The following TAF1A variants were observed in gnomAD, a reference collection of about 807,000 sequenced individuals.
TAF1A encodes TATA-box binding protein associated factor, RNA polymerase I subunit A.
Under a neutral mutation model 61.6 loss-of-function variants are expected in TAF1A, and 42 were observed. The observed-to-expected ratio is 0.68, with a 90% CI of 0.53 to 0.88. TAF1A has a LOEUF of 0.88. Among genes scored for constraint, TAF1A ranks in the 40% least tolerant of loss-of-function variants. TAF1A has a pLI of 0.00. For synonymous variants in TAF1A, 179 were observed against 177.7 expected (o/e 1.01, Z -0.06); for missense variants, 424 against 518.7 (o/e 0.82, Z 1.77).
downstream of TAF1A, among the ~76,000 whole-genome samples, chr1:222,556,197 A>G (rs1659722864): frequency 6.6e-6 from 1 of 152,238 alleles, no homozygotes; most frequent in African/African-American, 2.4e-5. Flanking sequence ...TGACTCAGGC[A>G]AGCGATGTGG....
At chr1:222,589,423 C>T (rs1661162003) in intron 1 of TAF1A, among the ~76,000 whole-genome samples, 2 of 152,172 alleles carry the variant, frequency 1.3e-5, no homozygotes, top group African/African-American at 4.8e-5. Flanking sequence ...CAGAGTAAAC[C>T]TTCTAAATTC....
At chr1:222,564,852 T>C (rs1171692493) in intron 7 of TAF1A, among the ~76,000 whole-genome samples, 3 of 152,224 alleles carry the variant, frequency 2.0e-5, no homozygotes, top group Non-Finnish European at 4.4e-5. Context: ...TTAATTTCTC[T>C]TAATCATTTT....
intron 6 of TAF1A, 142 bp downstream of exon 6, chr1:222,570,392 CA>C: frequency 1.2e-6 from 1 of 840,040 alleles, no homozygotes; most frequent in Non-Finnish European, 1.7e-6. Context: ...AAATTCAGAC[CA>C]AAAAAGAGAC....
chr1:222,562,869 A>G (rs368824387), intron 9 of TAF1A, among the ~76,000 whole-genome samples: 4 of 152,168 alleles, frequency 2.6e-5, no homozygotes, highest in Admixed American at 6.5e-5. Context: ...AAGAGTCTTT[A>G]GCAAAGAGTG....
intron 1 of TAF1A, 33 bp from the exon 2 acceptor site, chr1:222,588,598 T>C (rs762827933): frequency 3.7e-6 from 6 of 1,606,370 alleles, no homozygotes; most frequent in Non-Finnish European, 5.1e-6. Flanking sequence ...TTACTTTCTG[T>C]ACATCTTAAT....
At chr1:222,555,346 A>G (rs1659713420), downstream of TAF1A, among the ~76,000 whole-genome samples, 1 of 152,244 alleles carries the variant, frequency 6.6e-6, no homozygotes, top group Non-Finnish European at 1.5e-5. Context: ...TGATGAATAA[A>G]GATAGGGTTT....
rs577983640 is a variant in TAF1A at position 222,579,486 on chromosome 1, T to C, written c.405+273A>G. On this transcript the variant is annotated intron_variant, in intron 4 of 10. Transcript: ENST00000352967. ...AGCAAACATTTTAGAATCTGGCCCA[T>C]CATCATACCACTGCAATCTCTGAAT... Among the ~76,000 whole-genome samples, 3 of 152,318 alleles carry C rather than the reference T, an allele frequency of 2.0e-5. No homozygotes were observed. The East Asian group carries it at 5.8e-4, about 29-fold the overall frequency.
At chr1:222,577,323 C>A in intron 5 of TAF1A, 122 bp downstream of exon 5, 1 of 715,410 alleles carries the variant, frequency 1.4e-6, no homozygotes, top group South Asian at 2.0e-5. Flanking sequence ...ATTTTAAATC[C>A]ATAAAAAGTC....
chr1:222,585,725 A>T (rs1558155417), intron 2 of TAF1A, among the ~76,000 whole-genome samples: 1 of 152,192 alleles, frequency 6.6e-6, no homozygotes, highest in Non-Finnish European at 1.5e-5. Flanking sequence ...ATAAACAAAA[A>T]AAGTATAAAT....
chr1:222,582,157 A>AT (rs1192735103), intron 3 of TAF1A, among the ~76,000 whole-genome samples: 1 of 152,204 alleles, frequency 6.6e-6, no homozygotes, highest in Non-Finnish European at 1.5e-5. Flanking sequence ...TGGTTTTCAC[A>AT]TTTTTGAATT....
At chr1:222,589,327 A>C (rs1298480662) in intron 1 of TAF1A, among the ~76,000 whole-genome samples, 1 of 152,216 alleles carries the variant, frequency 6.6e-6, no homozygotes, top group African/African-American at 2.4e-5. Flanking sequence ...ACTCTAGTTC[A>C]AGACCCCTTC....
At chr1:222,583,727 A>G (rs912167384) in intron 3 of TAF1A, among the ~76,000 whole-genome samples, 10 of 151,792 alleles carry the variant, frequency 6.6e-5, no homozygotes, top group African/African-American at 2.4e-4. Context: ...AGTCCCAGCT[A>G]CTCAGGAGGC....
At chr1:222,555,749 T>G (rs183872460), downstream of TAF1A, among the ~76,000 whole-genome samples, 1 of 152,160 alleles carries the variant, frequency 6.6e-6, no homozygotes, top group South Asian at 2.1e-4. Context: ...GGTAATTATG[T>G]AGAGGTAATG....
At chr1:222,561,846 C>T (rs1187406762) in intron 9 of TAF1A, among the ~76,000 whole-genome samples, 1 of 152,170 alleles carries the variant, frequency 6.6e-6, no homozygotes, top group Non-Finnish European at 1.5e-5. Context: ...GTTGCTGAAC[C>T]TCTCTGAGCT....
intron 7 of TAF1A, chr1:222,569,133 A>C (rs1660238651): frequency 1.7e-6 from 1 of 578,206 alleles, no homozygotes; most frequent in African/African-American, 2.0e-5. Flanking sequence ...GGGCGACAGA[A>C]ATGTTCTATA....
chr1:222,558,703 T>C lies in TAF1A; in HGVS notation c.1310A>G (p.Lys437Arg), dbSNP rs200425120. The C allele has an allele frequency of 3.1e-5, 49 of 1,579,606 alleles. No homozygotes were observed. Among genetic ancestry groups the C allele is most frequent in the Non-Finnish European group, 3.9e-5 (45 of 1,161,828 alleles). The change falls in exon 11 of 11, where the codon AAG becomes AGG. Residue 437 changes from lysine to arginine, a missense_variant. Physicochemically the swap from Lys to Arg is conservative, Grantham distance 26. Coordinates refer to ENST00000352967, the MANE Select transcript of TAF1A (RefSeq NM_005681.4). The part of the protein sequence containing the change: ...QILGKKIKRM[K>R]RSVKKYSIVN... The stretch of plus-strand genomic sequence containing the variant: ...AATACTGTATTTTTTCACAGATCTC[T>C]TCATCCGCTTAATTTTCTTCCCTAA...
intron 5 of TAF1A, among the ~76,000 whole-genome samples, chr1:222,575,608 C>T (rs1305951289): frequency 1.3e-5 from 2 of 152,186 alleles, no homozygotes; most frequent in African/African-American, 4.8e-5. Context: ...GTGCATCAAT[C>T]CCAACCAAGA....
rs141728719 is a variant in TAF1A, at chr1:222,569,623, T to G, written c.781A>C (p.Thr261Pro). ...AACTTTTCATCATATGCATAATTGG[T>G]GAGTACCTCTTGGGCTCCATCTCGA... ...GDRDGAQEVL[T>P]NYAYDEKFPS... The change falls in exon 7 of 11, where the codon ACC becomes CCC. Residue 261 changes from threonine to proline, a missense_variant. Thr to Pro is a conservative substitution (Grantham distance 38). Coordinates refer to ENST00000352967, the MANE Select transcript of TAF1A (RefSeq NM_005681.4). 6.1e-5 allele frequency: 99 copies of G among 1,614,058 alleles called. No homozygotes were observed. The African/African-American group carries it at 1.2e-3, about 20-fold the overall frequency.
chr1:222,562,455 C>T (rs1041415057), intron 9 of TAF1A, among the ~76,000 whole-genome samples: 1 of 152,186 alleles, frequency 6.6e-6, no homozygotes, highest in African/African-American at 2.4e-5. Flanking sequence ...ACAGTGAGTG[C>T]GTCAACATAT....
Sources: allele counts gnomAD v4.1 joint callset (sites outside exome capture counted in the v4.1 genomes callset), GRCh38; gene constraint gnomAD v4.1.1; transcripts MANE v1.5; gene names NCBI Gene and HGNC (gene_info 2026-07-23, HGNC 2026-07-21).